INPP4B: variants seen among roughly 807,000 people sequenced by gnomAD.
INPP4B encodes inositol polyphosphate 4-phosphatase type II.
INPP4B carries 55 observed loss-of-function variants against 122.5 expected under a neutral mutation model. That is an observed-to-expected ratio of 0.45 (90% confidence interval 0.36 to 0.56). The LOEUF (loss-of-function observed/expected upper bound fraction) is 0.56. Among genes scored for constraint, INPP4B ranks in the 20% least tolerant of loss-of-function variants. INPP4B has a pLI of 0.00. For synonymous variants in INPP4B, 403 were observed against 388.7 expected, an observed-to-expected ratio of 1.04 and a Z score of -0.43; for missense variants, 1,000 against 1,097.7, an observed-to-expected ratio of 0.91 and a Z score of 1.26.
At chr4:142,228,805 C>G (rs186451154) in intron 12 of INPP4B, among the ~76,000 whole-genome samples, 61 of 151,646 alleles carry the variant, frequency 4.0e-4, no homozygotes, top group Admixed American at 3.8e-3. Flanking sequence ...ACAAGTAGCT[C>G]TTGTAAGTCA....
At chr4:142,251,812 CT>C in intron 11 of INPP4B, among the ~76,000 whole-genome samples, 1 of 152,312 alleles carries the variant, frequency 6.6e-6, no homozygotes, top group Admixed American at 6.5e-5. Context: ...GAGAAAACTG[CT>C]AATCATTTAG....
intron 23 of INPP4B, among the ~76,000 whole-genome samples, chr4:142,101,627 A>G (rs1205785582): frequency 6.6e-6 from 1 of 152,128 alleles, no homozygotes; most frequent in East Asian, 1.9e-4. Flanking sequence ...AGTCTGCCAA[A>G]ACCTAGTGTT....
intron 18 of INPP4B, among the ~76,000 whole-genome samples, chr4:142,134,423 T>C (rs1236844754): frequency 1.3e-5 from 2 of 152,210 alleles, no homozygotes; most frequent in Non-Finnish European, 1.5e-5. Flanking sequence ...AGTTTTCTGG[T>C]AAGAACAGAT....
chr4:142,817,668 G>A (rs1264741128), intron 1 of INPP4B, among the ~76,000 whole-genome samples: 3 of 152,098 alleles, frequency 2.0e-5, no homozygotes, highest in Non-Finnish European at 4.4e-5. Flanking sequence ...CATGAAGCCA[G>A]GGATTAAGAC....
intron 9 of INPP4B, among the ~76,000 whole-genome samples, chr4:142,293,366 A>G (rs565617813): frequency 2.0e-4 from 31 of 152,120 alleles, no homozygotes; most frequent in Non-Finnish European, 4.1e-4. Context: ...TTAGCGGATC[A>G]ACCACAAAAC....
At chr4:142,374,964 C>G (rs781377357) in intron 7 of INPP4B, among the ~76,000 whole-genome samples, 7 of 151,858 alleles carry the variant, frequency 4.6e-5, no homozygotes, top group Non-Finnish European at 8.8e-5. Flanking sequence ...CTCCAGCTCT[C>G]CGTTCTGGAA....
At chr4:142,124,450 A>G in intron 19 of INPP4B, 138 bp downstream of exon 19, 1 of 714,174 alleles carries the variant, frequency 1.4e-6, no homozygotes, top group Non-Finnish European at 2.3e-6. Flanking sequence ...TTTATCGTGA[A>G]TAAGAAACAT....
intron 12 of INPP4B, among the ~76,000 whole-genome samples, chr4:142,225,122 A>T (rs1300574440): frequency 6.6e-6 from 1 of 152,180 alleles, no homozygotes; most frequent in Non-Finnish European, 1.5e-5. Context: ...ATCGGCTGCC[A>T]AAGTGGCTGG....
At chr4:142,132,228 G>A (rs188004267) in intron 18 of INPP4B, among the ~76,000 whole-genome samples, 1 of 152,026 alleles carries the variant, frequency 6.6e-6, no homozygotes, top group Non-Finnish European at 1.5e-5. Context: ...TGTTAAAAGG[G>A]TGCTAGTGAA....
chr4:142,765,054 AG>A (rs1333777352), intron 1 of INPP4B, among the ~76,000 whole-genome samples: 1 of 152,152 alleles, frequency 6.6e-6, no homozygotes, highest in Non-Finnish European at 1.5e-5. Flanking sequence ...TAAGATAAAT[AG>A]GAGATTAAGC....
chr4:142,107,993 AC>A, intron 23 of INPP4B, 99 bp downstream of exon 23: 1 of 651,280 alleles, frequency 1.5e-6, no homozygotes. Context: ...TCACATCCCT[AC>A]CCCTGCTTCT....
At chr4:142,716,888 CCTT>C (rs969602666) in intron 2 of INPP4B, among the ~76,000 whole-genome samples, 4 of 152,162 alleles carry the variant, frequency 2.6e-5, no homozygotes, top group Non-Finnish European at 4.4e-5. Context: ...TCTGCCTTCT[CCTT>C]CTTAGAACCC....
At position 142,565,365 on chromosome 4, in the gene INPP4B, G is replaced by A. The variant is rs866384901; in HGVS notation, c.-190-102639C>T. 1.2e-4 allele frequency among the ~76,000 whole-genome samples: 18 copies of A among 152,184 alleles called. No individual in the cohort carries two copies. The South Asian group carries it at 3.7e-3, about 32-fold the overall frequency. On this transcript the variant is annotated intron_variant, in intron 2 of 25. Transcript: ENST00000262992. ...AGCCAACTTGATTGGTGATCCTAAA[G>A]GTCAAATACAGAAACACTGAATAAC...
At chr4:142,551,196 AC>A (rs2150076849) in intron 2 of INPP4B, among the ~76,000 whole-genome samples, 1 of 152,324 alleles carries the variant, frequency 6.6e-6, no homozygotes, top group Non-Finnish European at 1.5e-5. Context: ...ATTTCCTTGG[AC>A]GACGCCCTTG....
chr4:142,150,085 C>T (rs1812992464), intron 17 of INPP4B, among the ~76,000 whole-genome samples: 1 of 152,152 alleles, frequency 6.6e-6, no homozygotes, highest in Non-Finnish European at 1.5e-5. Flanking sequence ...AGGAAAGTTA[C>T]CAGCAAAAAT....
chr4:142,713,783 T>A (rs558575841), intron 2 of INPP4B, among the ~76,000 whole-genome samples: 6 of 152,178 alleles, frequency 3.9e-5, no homozygotes, highest in South Asian at 4.1e-4. Context: ...CTCTTCTACA[T>A]CCTGGGGGTT....
At chr4:142,269,680 A>T (rs1416729591) in intron 10 of INPP4B, among the ~76,000 whole-genome samples, 1 of 152,210 alleles carries the variant, frequency 6.6e-6, no homozygotes, top group African/African-American at 2.4e-5. Context: ...AGTCCATTGT[A>T]GATTCCAAAA....
intron 2 of INPP4B, among the ~76,000 whole-genome samples, chr4:142,623,101 A>C (rs1745335718): frequency 6.6e-6 from 1 of 152,126 alleles, no homozygotes; most frequent in Non-Finnish European, 1.5e-5. Context: ...GAAACTCCAG[A>C]GTCAAATCGC....
chr4:142,305,083 C>T (rs925723507), intron 9 of INPP4B, among the ~76,000 whole-genome samples: 1 of 151,862 alleles, frequency 6.6e-6, no homozygotes, highest in South Asian at 2.1e-4. Context: ...TACAATATTG[C>T]CTCTAACATA....
Sources: gnomAD v4.1 joint callset for allele counts (sites outside exome capture counted in the v4.1 genomes callset) on GRCh38, gnomAD v4.1.1 for gene constraint, MANE v1.5 for transcripts, NCBI Gene and HGNC (gene_info 2026-07-23, HGNC 2026-07-21) for gene names.